Variants in CDKL2 observed in about 807,000 individuals in gnomAD.
CDKL2 encodes cyclin dependent kinase like 2.
CDKL2 carries 64 observed loss-of-function variants against 63.9 expected under a neutral mutation model. The observed-to-expected ratio is 1.00, with a 90% CI of 0.82 to 1.23. The LOEUF is 1.23. Among genes scored for constraint, CDKL2 ranks in the 50% most tolerant of loss-of-function variants. The pLI is 0.00. For synonymous variants in CDKL2, 211 were observed against 229.2 expected, an observed-to-expected ratio of 0.92 and a Z score of 0.72; for missense variants, 656 against 668.0, an observed-to-expected ratio of 0.98 and a Z score of 0.20.
intron 3 of CDKL2, among the ~76,000 whole-genome samples, chr4:75,610,424 G>A (rs1729641050): frequency 6.6e-6 from 1 of 152,032 alleles, no homozygotes; most frequent in African/African-American, 2.4e-5. Context: ...TAACCAAGAT[G>A]ATATGAGTTG....
chr4:75,600,217 G>C, intron 7 of CDKL2, 64 bp downstream of exon 7: 1 of 1,009,414 alleles, frequency 9.9e-7, no homozygotes, highest in Non-Finnish European at 1.5e-6. Flanking sequence ...TGCTATTTGT[G>C]ACTATTGTGG....
intron 10 of CDKL2, among the ~76,000 whole-genome samples, chr4:75,593,387 T>C (rs1021176518): frequency 2.6e-5 from 4 of 152,062 alleles, no homozygotes; most frequent in Non-Finnish European, 5.9e-5. Context: ...GAGAGAGGTA[T>C]TGATCTTTAA....
chr4:75,597,065 T>C lies in CDKL2; in HGVS notation c.1192A>G (p.Ser398Gly). The C allele has an allele frequency of 6.2e-7, 1 of 1,614,248 alleles. No homozygotes were observed. Among genetic ancestry groups the C allele is most frequent in the South Asian group, 1.1e-5 (1 of 91,082 alleles). Residue 398 changes from serine (S) to glycine (G), a missense_variant, in exon 9 of 14, where the codon AGC becomes GGC. By Grantham distance (56) the Ser-to-Gly change is moderately conservative. Coordinates refer to ENST00000307465, the MANE Select transcript of CDKL2 (RefSeq NM_001330724.2). Reference sequence around the variant, plus strand: ...CTTGTGTGGTCCACGCTGACATTGCTGCAGTCTTTGAGGCTTGTTGAAGGC... The same window carrying C: ...CTTGTGTGGTCCACGCTGACATTGCCGCAGTCTTTGAGGCTTGTTGAAGGC... Reference protein sequence around the residue: ...IVPSTSLKDCSNVSVDHTRNP... With the variant: ...IVPSTSLKDCGNVSVDHTRNP...
chr4:75,577,470 G>T lies in CDKL2; in HGVS notation c.*1732C>A, dbSNP rs574145928. Among the ~76,000 whole-genome samples, 3 of 152,204 alleles carry T rather than the reference G, an allele frequency of 2.0e-5. No individual in the cohort carries two copies. Among genetic ancestry groups the T allele is most frequent in the Non-Finnish European group, 4.4e-5 (3 of 68,002 alleles). ...TCACAAAGTGTTTTAATAGGCAAAA[G>T]ATATCAAAAGCTAGTATAAAAACTG... On this transcript the variant is annotated 3_prime_UTR_variant, in exon 14 of 14. Coordinates refer to ENST00000307465, the MANE Select transcript of CDKL2 (RefSeq NM_001330724.2).
intron 12 of CDKL2, among the ~76,000 whole-genome samples, chr4:75,589,634 G>C (rs1210580363): frequency 6.6e-6 from 1 of 152,088 alleles, no homozygotes; most frequent in African/African-American, 2.4e-5. Context: ...TACTTACCAA[G>C]TGACCCAGCA....
rs1371186385 is a variant in CDKL2 at position 75,597,012 on chromosome 4, A to C, written c.1245T>G (p.Leu415=). The C allele has an allele frequency of 6.2e-7, 1 of 1,614,056 alleles. No individual in the cohort carries two copies. The highest frequency in any genetic ancestry group is 8.5e-7 in the Non-Finnish European group (1 of 1,180,008). The change falls in exon 9 of 14, where the codon CTT becomes CTG. Residue 415 remains leucine, a synonymous_variant. Coordinates refer to ENST00000307465, the MANE Select transcript of CDKL2 (RefSeq NM_001330724.2). Reference sequence around the variant, plus strand: ...GAGCAACTGCAGAAAGATTGTGTGTAAGTGGGGGAATTGCCACGCTTGGAT... The same window carrying C: ...GAGCAACTGCAGAAAGATTGTGTGTCAGTGGGGGAATTGCCACGCTTGGAT... ...TRNPSVAIPP[L]THNLSAVAPS... is the part of the protein sequence containing the mutation.
chr4:75,608,440 C>G (rs1489900903), intron 3 of CDKL2, among the ~76,000 whole-genome samples: 1 of 151,744 alleles, frequency 6.6e-6, no homozygotes. Context: ...ACTGTTTTTT[C>G]TAGAGTATAG....
In CDKL2 at chr4:75,586,950, G is replaced by A. The variant is rs557728720; in HGVS notation, c.1647+4869C>T. Among the ~76,000 whole-genome samples the A allele has an allele frequency of 1.5e-3, 229 of 152,216 alleles. 1 individual carries two copies. The highest frequency in any genetic ancestry group is 5.4e-3 in the African/African-American group (224 of 41,548). Reference sequence around the variant, plus strand: ...GAAAAATTGAGAGAATAAACTCAAAGTAAGTAAAAGGGGAAAACTAAGAGG... The same window carrying A: ...GAAAAATTGAGAGAATAAACTCAAAATAAGTAAAAGGGGAAAACTAAGAGG... On this transcript the variant is annotated intron_variant, in intron 12 of 13. Coordinates refer to ENST00000307465, the MANE Select transcript of CDKL2 (RefSeq NM_001330724.2).
At chr4:75,612,658 C>T in intron 3 of CDKL2, among the ~76,000 whole-genome samples, 1 of 152,202 alleles carries the variant, frequency 6.6e-6, no homozygotes, top group East Asian at 1.9e-4. Flanking sequence ...ACTAACACCT[C>T]ATGCTGATCT....
At chr4:75,616,525 C>T (rs1729932296) in intron 2 of CDKL2, among the ~76,000 whole-genome samples, 1 of 151,428 alleles carries the variant, frequency 6.6e-6, no homozygotes, top group Non-Finnish European at 1.5e-5. Context: ...ATTACCCAGG[C>T]GTGGTGGCAT....
chr4:75,622,475 C>T (rs997657298), intron 2 of CDKL2, among the ~76,000 whole-genome samples: 2 of 151,890 alleles, frequency 1.3e-5, no homozygotes, highest in African/African-American at 4.8e-5. Context: ...AATCCCAACA[C>T]TTTGGGAAGC....
chr4:75,628,208 CG>C (rs1730520460), intron 1 of CDKL2, among the ~76,000 whole-genome samples: 1 of 151,764 alleles, frequency 6.6e-6, no homozygotes, highest in African/African-American at 2.4e-5. Flanking sequence ...CTCCGCCTCC[CG>C]GGTCCACGCC....
chr4:75,623,184 TG>T (rs1045060325), intron 2 of CDKL2, among the ~76,000 whole-genome samples: 6 of 152,084 alleles, frequency 3.9e-5, no homozygotes, highest in African/African-American at 1.4e-4. Flanking sequence ...AAGGCTGAAG[TG>T]GGAGAATCAC....
In CDKL2 at chr4:75,613,985, G is replaced by A. The variant is rs1026566441; in HGVS notation, c.363+270C>T. ...GGCAAGAGAATCACTTGAACCTGGG[G>A]GGCAGAGGTTGCAGTGAGCTGAGAT... On this transcript the variant is annotated intron_variant, in intron 3 of 13. Coordinates refer to ENST00000307465, the MANE Select transcript of CDKL2 (RefSeq NM_001330724.2). Among the ~76,000 whole-genome samples the A allele has an allele frequency of 3.3e-5, 5 of 152,138 alleles. No homozygotes were observed. In the South Asian group the frequency reaches 1.0e-3, roughly 32 times the overall value.
chr4:75,593,794 A>G (rs1728804202), intron 10 of CDKL2, among the ~76,000 whole-genome samples: 1 of 152,204 alleles, frequency 6.6e-6, no homozygotes, highest in South Asian at 2.1e-4. Flanking sequence ...TGTCCAAATC[A>G]TGAGAGAGAT....
intron 12 of CDKL2, among the ~76,000 whole-genome samples, chr4:75,582,813 T>C (rs548400678): frequency 9.8e-4 from 149 of 152,220 alleles, no homozygotes; most frequent in Non-Finnish European, 1.6e-3. Context: ...ACATTACATA[T>C]AGGGAAACAA....
intron 5 of CDKL2, among the ~76,000 whole-genome samples, chr4:75,604,861 C>T (rs1396870742): frequency 6.6e-6 from 1 of 152,192 alleles, no homozygotes; most frequent in African/African-American, 2.4e-5. Flanking sequence ...CAGGGCGGGC[C>T]ACAGTGGCTC....
chr4:75,581,540 G>A (rs1378107229), intron 13 of CDKL2, among the ~76,000 whole-genome samples: 1 of 152,210 alleles, frequency 6.6e-6, no homozygotes, highest in Non-Finnish European at 1.5e-5. Context: ...TCTTTCTTGA[G>A]CACTTGTCAC....
At chr4:75,623,129 A>G (rs1730241455) in intron 2 of CDKL2, among the ~76,000 whole-genome samples, 1 of 152,130 alleles carries the variant, frequency 6.6e-6, no homozygotes, top group Non-Finnish European at 1.5e-5. Flanking sequence ...AAATACAAAT[A>G]TTAGCTAAGC....
Sources: gnomAD v4.1 joint callset for allele counts (sites outside exome capture counted in the v4.1 genomes callset) on GRCh38, gnomAD v4.1.1 for gene constraint, MANE v1.5 for transcripts, NCBI Gene and HGNC (gene_info 2026-07-23, HGNC 2026-07-21) for gene names.